EYS: variants seen among roughly 807,000 people sequenced by gnomAD.
EYS encodes EGF-like photoreceptor maintenance factor.
In EYS, 250 loss-of-function variants were observed where a neutral mutation model predicts 282.1. The observed-to-expected ratio is 0.89, with a 90% confidence interval of 0.80 to 0.98. The LOEUF is 0.98. EYS is among the 50% of genes least tolerant of loss of function. EYS has a pLI of 0.00. For missense variants in EYS, 4,016 were observed against 3,709.0 expected, an observed-to-expected ratio of 1.08 and a Z score of -2.15; for synonymous variants, 1,355 against 1,282.9, an observed-to-expected ratio of 1.06 and a Z score of -1.20.
intron 36 of EYS, among the ~76,000 whole-genome samples, chr6:63,812,185 G>A (rs9450082): frequency 6.6e-6 from 1 of 152,088 alleles, no homozygotes; most frequent in Non-Finnish European, 1.5e-5. Context: ...TTTTATACTC[G>A]TTTCTTCTTT....
At chr6:65,644,344 A>C (rs6455049) in intron 1 of EYS, among the ~76,000 whole-genome samples, 32,367 of 152,164 alleles carry the variant, frequency 0.21, 3,851 homozygotes, top group African/African-American at 0.34. Flanking sequence ...CAAGGCTTTC[A>C]AATTAACCCA....
chr6:64,617,543 A>G lies in EYS; in HGVS notation c.3569-10T>C, dbSNP rs1293900692. ...TGGTGTCCAGACCATCCTGTTCAACAAAATTACAAAGCAGATATGCAATTT... is the reference window on the plus strand; with the variant it reads ...TGGTGTCCAGACCATCCTGTTCAACGAAATTACAAAGCAGATATGCAATTT... On this transcript the variant is annotated splice_polypyrimidine_tract_variant and intron_variant, in intron 23 of 42. Transcript: ENST00000503581. 2 of 1,471,564 alleles carry G rather than the reference A, an allele frequency of 1.4e-6. No homozygotes were observed. The highest frequency in any genetic ancestry group is 4.0e-5 in the Admixed American group (2 of 49,908). The allele number at this position is 1,471,564 out of a possible 1,614,324, so 91.2% of individuals were successfully genotyped here. A position where few individuals can be genotyped will look rare whatever the true frequency, so the allele number is the denominator to read the frequency against.
At chr6:64,839,185 C>T (rs1034705877) in intron 19 of EYS, among the ~76,000 whole-genome samples, 2 of 151,962 alleles carry the variant, frequency 1.3e-5, no homozygotes, top group African/African-American at 4.8e-5. Context: ...TTAATTTTTG[C>T]TTGAGCAGTT....
chr6:64,056,675 T>C (rs1382329230), intron 33 of EYS, among the ~76,000 whole-genome samples: 6 of 152,280 alleles, frequency 3.9e-5, no homozygotes, highest in Non-Finnish European at 8.8e-5. Flanking sequence ...ATTTTATTCC[T>C]TGGGTAGAGG....
intron 12 of EYS, among the ~76,000 whole-genome samples, chr6:65,252,923 T>C (rs1767364244): frequency 6.6e-6 from 1 of 151,832 alleles, no homozygotes; most frequent in East Asian, 1.9e-4. Context: ...AAATAGAGAA[T>C]TGGTGAAAAA....
At chr6:63,887,521 G>C (rs547474406) in intron 35 of EYS, among the ~76,000 whole-genome samples, 2 of 152,234 alleles carry the variant, frequency 1.3e-5, no homozygotes, top group Admixed American at 1.3e-4. Context: ...CAGAATCAGG[G>C]AGGGGTGTCC....
In EYS at chr6:64,902,221, C is replaced by G; in HGVS notation, c.2739-1G>C. 6.5e-7 allele frequency: 1 copy of G among 1,544,712 alleles called. No homozygotes were observed. Among genetic ancestry groups the G allele is most frequent in the South Asian group, 1.2e-5 (1 of 83,050 alleles). ...AGAAAACCCAGGTCTGCAAATACAC[C>G]TTTTAAACAAAAAATTTAGTAACTC... On this transcript the variant is annotated splice_acceptor_variant, in intron 17 of 42. Transcript: ENST00000503581. LOFTEE classifies it high-confidence loss of function.
intron 9 of EYS, 80 bp from the exon 10 acceptor site, chr6:65,344,257 A>C (rs1289778234): frequency 8.6e-7 from 1 of 1,157,210 alleles, no homozygotes; most frequent in Admixed American, 2.0e-5. Flanking sequence ...ACTGTGGTCA[A>C]ATTACTTGAA....
At chr6:65,194,399 T>C (rs918932211) in intron 12 of EYS, among the ~76,000 whole-genome samples, 3 of 151,950 alleles carry the variant, frequency 2.0e-5, no homozygotes, top group African/African-American at 7.2e-5. Flanking sequence ...ACATTCTTTT[T>C]ATGTTAAATT....
At chr6:64,600,356 G>A (rs1163939062) in intron 24 of EYS, among the ~76,000 whole-genome samples, 2 of 151,944 alleles carry the variant, frequency 1.3e-5, no homozygotes, top group African/African-American at 4.8e-5. Flanking sequence ...TTGATTGGGA[G>A]ACAAAAGGCA....
rs1026626771 is a variant in EYS, at chr6:63,928,347, A to T, written c.7055+56036T>A. Among the ~76,000 whole-genome samples the T allele has an allele frequency of 4.6e-5, 7 of 152,204 alleles. No homozygotes were observed. The East Asian group carries it at 1.2e-3, about 25-fold the overall frequency. On this transcript the variant is annotated intron_variant, in intron 35 of 42. Coordinates refer to ENST00000503581, the MANE Select transcript of EYS (RefSeq NM_001142800.2). ...TGATTCATTCTTCTCATTGCCTAGG[A>T]TTACATTAGAAAATAAGCTCCATGA...
intron 1 of EYS, among the ~76,000 whole-genome samples, chr6:65,654,529 A>G (rs1246303093): frequency 1.3e-5 from 2 of 151,780 alleles, no homozygotes; most frequent in African/African-American, 4.8e-5. Flanking sequence ...TGCCACTGTA[A>G]GGTTTAAATT....
intron 2 of EYS, among the ~76,000 whole-genome samples, chr6:65,583,472 C>T (rs1469579992): frequency 6.6e-6 from 1 of 151,982 alleles, no homozygotes; most frequent in Non-Finnish European, 1.5e-5. Flanking sequence ...AATGGCAAGT[C>T]CGAGCCGGTA....
At chr6:64,781,203 C>T (rs1374654629) in intron 22 of EYS, among the ~76,000 whole-genome samples, 1 of 151,040 alleles carries the variant, frequency 6.6e-6, no homozygotes, top group African/African-American at 2.4e-5. Context: ...AAATAATGAA[C>T]ATTTTTTTTA....
At chr6:65,690,208 T>C (rs1769190323) in intron 1 of EYS, among the ~76,000 whole-genome samples, 1 of 150,080 alleles carries the variant, frequency 6.7e-6, no homozygotes, top group Non-Finnish European at 1.5e-5. Context: ...TAGCAAGATA[T>C]TAATCAGCAG....
intron 12 of EYS, among the ~76,000 whole-genome samples, chr6:65,139,524 A>G (rs1249771551): frequency 6.6e-6 from 1 of 152,060 alleles, no homozygotes; most frequent in African/African-American, 2.4e-5. Flanking sequence ...CTGTATACCA[A>G]ACCTCCACAG....
rs149831215 is a variant in EYS at position 65,498,781 on chromosome 6, G to T, written c.-332-2788C>A. On this transcript the variant is annotated intron_variant, in intron 2 of 42. Transcript: ENST00000503581. The stretch of plus-strand genomic sequence containing the variant: ...TATAAACATTATAAATTTGAAAAAG[G>T]TGATGTAATTTTGACCCCAAAGGTA... 6.0e-3 allele frequency among the ~76,000 whole-genome samples: 907 copies of T among 152,004 alleles called. 17 individuals are homozygous for T. Among genetic ancestry groups the T allele is most frequent in the South Asian group, 0.039 (186 of 4,818 alleles).
chr6:64,318,436 G>C (rs921206967), intron 29 of EYS, among the ~76,000 whole-genome samples: 1 of 151,900 alleles, frequency 6.6e-6, no homozygotes, highest in Non-Finnish European at 1.5e-5. Context: ...CATTCGATGT[G>C]ATAATATAGA....
intron 1 of EYS, among the ~76,000 whole-genome samples, chr6:65,663,040 C>A (rs552191280): frequency 7.2e-5 from 11 of 152,154 alleles, no homozygotes; most frequent in Middle Eastern, 3.4e-3. Flanking sequence ...GAAAATAATA[C>A]TTTGAAACTA....
Sources: gnomAD v4.1 joint callset for allele counts (sites outside exome capture counted in the v4.1 genomes callset) on GRCh38, gnomAD v4.1.1 for gene constraint, MANE v1.5 for transcripts, NCBI Gene and HGNC (gene_info 2026-07-23, HGNC 2026-07-21) for gene names.